Variants in ADAM12 observed in about 807,000 individuals in gnomAD.
ADAM12 encodes the protein ADAM metallopeptidase domain 12, also known as disintegrin and metalloproteinase domain-containing protein 12.
ADAM12 carries 70 observed loss-of-function variants against 106.4 expected under a neutral mutation model. That is an observed-to-expected ratio of 0.66 (90% CI 0.54 to 0.80). The LOEUF (loss-of-function observed/expected upper bound fraction) is 0.80. Among genes scored for constraint, ADAM12 ranks in the 30% least tolerant of loss-of-function variants. The pLI is 0.00. For missense variants in ADAM12, 1,010 were observed against 1,171.9 expected, an observed-to-expected ratio of 0.86 and a Z score of 2.02; for synonymous variants, 420 against 433.5, an observed-to-expected ratio of 0.97 and a Z score of 0.39.
At chr10:126,119,759 G>A (rs1306798788) in intron 5 of ADAM12, among the ~76,000 whole-genome samples, 2 of 152,188 alleles carry the variant, frequency 1.3e-5, no homozygotes, top group Admixed American at 6.5e-5. Context: ...ACCTTCTGGA[G>A]CTCACAGCTA....
chr10:126,371,914 C>A (rs1396848023), intron 1 of ADAM12, among the ~76,000 whole-genome samples: 1 of 152,154 alleles, frequency 6.6e-6, no homozygotes, highest in Non-Finnish European at 1.5e-5. Context: ...TTATGCCTAG[C>A]CCACAGTGAG....
chr10:126,212,863 T>G (rs1366581960), intron 3 of ADAM12, among the ~76,000 whole-genome samples: 1 of 152,224 alleles, frequency 6.6e-6, no homozygotes, highest in African/African-American at 2.4e-5. Context: ...CTGCCTTTTG[T>G]GTATTCTCTC....
intron 2 of ADAM12, among the ~76,000 whole-genome samples, chr10:126,326,952 T>G (rs1854324830): frequency 6.6e-6 from 1 of 152,018 alleles, no homozygotes; most frequent in Non-Finnish European, 1.5e-5. Flanking sequence ...TAATCCAGAT[T>G]TGGGAATGAG....
At chr10:126,144,683 A>G (rs960596941) in intron 4 of ADAM12, among the ~76,000 whole-genome samples, 4 of 152,218 alleles carry the variant, frequency 2.6e-5, no homozygotes, top group African/African-American at 9.6e-5. Flanking sequence ...GGAGACACAC[A>G]GGCCTGAACA....
In ADAM12 at chr10:126,098,475, T is replaced by C. The variant is rs1277234360; in HGVS notation, c.937A>G (p.Ile313Val). 1 of 1,614,138 alleles carries C rather than the reference T, an allele frequency of 6.2e-7. No individual in the cohort carries two copies. Among genetic ancestry groups the C allele is most frequent in the Non-Finnish European group, 8.5e-7 (1 of 1,179,986 alleles). Residue 313 changes from isoleucine to valine, a missense_variant, in exon 10 of 23, where the codon ATC (isoleucine) becomes GTC (valine). Physicochemically the swap from Ile to Val is conservative, Grantham distance 29 (BLOSUM62 3). This residue lies in a region of ADAM12 where 391 missense variants were observed against 442.9 expected (regional missense o/e 0.88). Transcript: ENST00000448723. ...ATGCTCATGATTGGGGCCATGCCGA[T>C]GGTGGTCCCTTGGAAATAAACCCCA... The part of the protein sequence containing the change: ...VSGVYFQGTT[I>V]GMAPIMSMCT...
intron 2 of ADAM12, among the ~76,000 whole-genome samples, chr10:126,289,487 T>G (rs1357383566): frequency 6.6e-6 from 1 of 152,168 alleles, no homozygotes. Context: ...CCAGCTGCAC[T>G]GGAAAGCAGG....
At chr10:126,334,446 G>A (rs1813434906) in intron 1 of ADAM12, among the ~76,000 whole-genome samples, 1 of 152,070 alleles carries the variant, frequency 6.6e-6, no homozygotes, top group African/African-American at 2.4e-5. Flanking sequence ...CCTCAGAGTG[G>A]AAAAACACAT....
At chr10:126,387,302 C>T (rs553481542) in intron 1 of ADAM12, among the ~76,000 whole-genome samples, 2 of 152,280 alleles carry the variant, frequency 1.3e-5, no homozygotes, top group Admixed American at 6.5e-5. Context: ...GGGGCTACAA[C>T]TCGGGAAAAC....
intron 3 of ADAM12, among the ~76,000 whole-genome samples, chr10:126,196,196 G>A (rs865890767): frequency 2.6e-5 from 4 of 152,302 alleles, no homozygotes; most frequent in Admixed American, 1.3e-4. Context: ...TTTACCATTT[G>A]CTATTGATTA....
chr10:126,042,566 ACAT>A (rs1269419963), intron 18 of ADAM12, among the ~76,000 whole-genome samples: 1 of 152,248 alleles, frequency 6.6e-6, no homozygotes, highest in South Asian at 2.1e-4. Context: ...GCACCTGCAC[ACAT>A]CATTCCATAT....
At chr10:126,317,701 A>G (rs1158563223) in intron 2 of ADAM12, among the ~76,000 whole-genome samples, 1 of 152,110 alleles carries the variant, frequency 6.6e-6, no homozygotes. Flanking sequence ...TATTTTATTT[A>G]TGTCTATAGG....
chr10:126,146,876 C>G (rs1490598345), intron 4 of ADAM12, among the ~76,000 whole-genome samples: 1 of 152,208 alleles, frequency 6.6e-6, no homozygotes, highest in Non-Finnish European at 1.5e-5. Context: ...ATGAGATGTG[C>G]GTGATCTCTG....
intron 11 of ADAM12, among the ~76,000 whole-genome samples, chr10:126,082,301 T>A (rs1955234906): frequency 6.7e-6 from 1 of 149,700 alleles, no homozygotes; most frequent in Non-Finnish European, 1.5e-5. Context: ...GGCACTGAGC[T>A]CAGAGTGAGA....
intron 2 of ADAM12, among the ~76,000 whole-genome samples, chr10:126,328,252 CTTAG>C (rs1351675060): frequency 6.6e-6 from 1 of 152,208 alleles, no homozygotes; most frequent in Non-Finnish European, 1.5e-5. Flanking sequence ...ATAATAGGTG[CTTAG>C]TTAAAAACTG....
At chr10:126,237,397 C>G (rs904092043) in intron 3 of ADAM12, among the ~76,000 whole-genome samples, 3 of 152,132 alleles carry the variant, frequency 2.0e-5, no homozygotes, top group Non-Finnish European at 4.4e-5. Flanking sequence ...ACCCATCACC[C>G]CAATTCAACT....
At chr10:126,121,388 G>T (rs1956107173) in intron 5 of ADAM12, among the ~76,000 whole-genome samples, 1 of 122,656 alleles carries the variant, frequency 8.2e-6, no homozygotes, top group African/African-American at 3.1e-5. Context: ...TATATTATAT[G>T]CAATATATAA....
At chr10:126,280,878 G>T (rs749593460) in intron 2 of ADAM12, among the ~76,000 whole-genome samples, 1 of 152,156 alleles carries the variant, frequency 6.6e-6, no homozygotes. Flanking sequence ...TTTTGATACT[G>T]TCTGGTGTTT....
Position 126,260,376 on chromosome 10 carries a change from G to A in ADAM12, c.260+18539C>T, listed in dbSNP as rs145856951. ...CAGGGTCCAAAGGGAAAGCTGTTGA[G>A]CCAGCCCCAAACACTTAAAATTTCT... On this transcript the variant is annotated intron_variant, in intron 3 of 22. Transcript: ENST00000448723. Among the ~76,000 whole-genome samples, 532 of 152,336 alleles carry A rather than the reference G, an allele frequency of 3.5e-3. 3 individuals carry two copies. Among genetic ancestry groups the A allele is most frequent in the African/African-American group, 0.012 (508 of 41,580 alleles).
At chr10:126,223,807 G>C (rs1958141884) in intron 3 of ADAM12, among the ~76,000 whole-genome samples, 1 of 152,206 alleles carries the variant, frequency 6.6e-6, no homozygotes, top group Admixed American at 6.5e-5. Context: ...AGAGGGAGGG[G>C]AAAGCTGTGC....
Sources: allele counts gnomAD v4.1 joint callset (sites outside exome capture counted in the v4.1 genomes callset), GRCh38; gene constraint gnomAD v4.1.1; regional missense constraint gnomAD v4.1.1; transcripts MANE v1.5; gene names NCBI Gene and HGNC (gene_info 2026-07-23, HGNC 2026-07-21).